KLHL3: variants seen among roughly 807,000 people sequenced by gnomAD.
The protein encoded by KLHL3 is kelch-like protein 3.
In KLHL3, 19 loss-of-function variants were observed where a neutral mutation model predicts 70.5. That is an observed-to-expected ratio of 0.27 (90% CI 0.19 to 0.40). The LOEUF is 0.40. KLHL3 is among the 10% of genes least tolerant of loss of function. The probability of loss-of-function intolerance (pLI) is 1.00; values close to 1 mark genes in which losing one functional copy is unlikely to be tolerated. For synonymous variants in KLHL3, 258 were observed against 290.3 expected (o/e 0.89, Z 1.13); for missense variants, 512 against 771.1 (o/e 0.66, Z 3.98).
intron 3 of KLHL3, among the ~76,000 whole-genome samples, chr5:137,707,147 T>C (rs922271596): frequency 6.6e-6 from 1 of 152,108 alleles, no homozygotes; most frequent in African/African-American, 2.4e-5. Context: ...CAAAAAAGGC[T>C]ATTTAGGCTG....
At chr5:137,687,034 C>T (rs1377653058) in intron 5 of KLHL3, among the ~76,000 whole-genome samples, 1 of 117,814 alleles carries the variant, frequency 8.5e-6, no homozygotes, top group East Asian at 3.5e-4. Flanking sequence ...GGGGTCAGCC[C>T]CCCGCCCGGC....
chr5:137,652,458 T>C (rs1421115163), intron 8 of KLHL3, among the ~76,000 whole-genome samples: 1 of 152,244 alleles, frequency 6.6e-6, no homozygotes, highest in Non-Finnish European at 1.5e-5. Flanking sequence ...GTGGTATACA[T>C]ATTTAGTAGA....
intron 1 of KLHL3, among the ~76,000 whole-genome samples, chr5:137,734,016 T>C (rs1190411459): frequency 6.6e-6 from 1 of 152,170 alleles, no homozygotes; most frequent in African/African-American, 2.4e-5. Context: ...TCTAAAGCCA[T>C]AGACATCAGC....
At chr5:137,715,393 T>C (rs899749962) in intron 2 of KLHL3, among the ~76,000 whole-genome samples, 3 of 152,232 alleles carry the variant, frequency 2.0e-5, no homozygotes, top group African/African-American at 7.2e-5. Flanking sequence ...CAAGATGCTT[T>C]AGCCCAGGCC....
chr5:137,649,954 C>T (rs543287022), intron 8 of KLHL3, among the ~76,000 whole-genome samples: 2 of 152,214 alleles, frequency 1.3e-5, no homozygotes, highest in African/African-American at 4.8e-5. Context: ...TCAATCTCAC[C>T]GATTCTCAGT....
intron 1 of KLHL3, among the ~76,000 whole-genome samples, chr5:137,733,894 AAAGGTATGACCTGGGTGACCTGGTG>A (rs1405324800): frequency 2.0e-5 from 3 of 152,210 alleles, no homozygotes; most frequent in Non-Finnish European, 4.4e-5. Context: ...AGCAGGAACA[AAAGGTATGACCTGGGTGACCTGGTG>A]AACATTGGAA....
At chr5:137,640,657 T>C (rs1580725747) in intron 8 of KLHL3, among the ~76,000 whole-genome samples, 1 of 152,108 alleles carries the variant, frequency 6.6e-6, no homozygotes, top group Non-Finnish European at 1.5e-5. Context: ...CACATGTAAG[T>C]GGCCCAAGGT....
At chr5:137,633,984 G>T in intron 12 of KLHL3, 53 bp downstream of exon 12, 3 of 1,611,562 alleles carry the variant, frequency 1.9e-6, no homozygotes, top group South Asian at 1.1e-5. Flanking sequence ...AAAATTTAAG[G>T]ACCCACTTGT....
At position 137,639,053 on chromosome 5, in the gene KLHL3, C is replaced by G. The variant is rs1303648553; in HGVS notation, c.1119G>C (p.Gln373His). 5 of 1,614,186 alleles carry G rather than the reference C, an allele frequency of 3.1e-6. No homozygotes were observed. Among genetic ancestry groups the G allele is most frequent in the Non-Finnish European group, 4.2e-6 (5 of 1,180,028 alleles). Residue 373 changes from glutamine (Q) to histidine (H), a missense_variant, in exon 10 of 15, where the codon CAG becomes CAC. Transcript: ENST00000309755. This position sits in a 1 kb window ranked among gnomAD's most constrained non-coding sequence, Gnocchi z 5.0. ...CCTGCATGCTGGCAATGGACGTCCA[C>G]TGGTCCTTCACGCCGTCATACACAT... ...TVDVYDGVKD[Q>H]WTSIASMQER...
intron 6 of KLHL3, among the ~76,000 whole-genome samples, chr5:137,670,642 A>G (rs573223202): frequency 6.6e-6 from 1 of 152,164 alleles, no homozygotes; most frequent in East Asian, 1.9e-4. Context: ...TCCTAAATGT[A>G]TCTGACCTGA....
At chr5:137,636,888 T>A (rs1750779877) in intron 11 of KLHL3, among the ~76,000 whole-genome samples, 1 of 152,202 alleles carries the variant, frequency 6.6e-6, no homozygotes, top group Non-Finnish European at 1.5e-5. Flanking sequence ...CTGTTAATGT[T>A]CAACATATGA....
chr5:137,628,354 G>A lies in KLHL3; in HGVS notation c.1534C>T (p.Pro512Ser). The A allele has an allele frequency of 6.2e-7, 1 of 1,614,018 alleles. No individual in the cohort carries two copies. The highest frequency in any genetic ancestry group is 1.3e-5 in the African/African-American group (1 of 74,966). The change falls in exon 13 of 15, where the codon CCT becomes TCT. Residue 512 changes from proline (P) to serine (S), a missense_variant. Pro to Ser is a moderately conservative substitution (Grantham distance 74, BLOSUM62 -1). Transcript: ENST00000309755. ...ACTTGCTTCCAGGTATTTGTTCCAG[G>A]ATCGTAAACCTCAACGCTCTTCCTC... ...LVRKSVEVYD[P>S]GTNTWKQVAD...
intron 10 of KLHL3, 137 bp downstream of exon 10, chr5:137,638,816 G>A: frequency 3.8e-6 from 3 of 793,850 alleles, no homozygotes; most frequent in Middle Eastern, 4.9e-4. Context: ...AGCTGGATGA[G>A]GAAGAAGAGT....
intron 5 of KLHL3, among the ~76,000 whole-genome samples, chr5:137,691,385 C>T (rs1752318530): frequency 6.6e-6 from 1 of 152,184 alleles, no homozygotes. Context: ...CAATCTTATT[C>T]TTCTGGAGAA....
At chr5:137,718,892 C>A (rs1484524327) in intron 2 of KLHL3, among the ~76,000 whole-genome samples, 1 of 152,182 alleles carries the variant, frequency 6.6e-6, no homozygotes, top group Non-Finnish European at 1.5e-5. Context: ...GTTATTAATG[C>A]CAAAGACTAG....
At chr5:137,654,869 T>A (rs1006923610) in intron 8 of KLHL3, among the ~76,000 whole-genome samples, 10 of 152,198 alleles carry the variant, frequency 6.6e-5, no homozygotes, top group African/African-American at 2.2e-4. Flanking sequence ...TTCTCAACTA[T>A]AGATTAAATC....
rs1756278214 is a variant in KLHL3, at chr5:137,618,171, A to T, written c.*3927T>A. 1 of 152,538 alleles carries T rather than the reference A, an allele frequency of 6.6e-6. No homozygotes were observed. The highest frequency in any genetic ancestry group is 2.4e-5 in the African/African-American group (1 of 41,398). 9.4% of individuals were successfully genotyped at this position (152,538 alleles called of 1,614,324 possible). On this transcript the variant is annotated 3_prime_UTR_variant, in exon 15 of 15. Coordinates refer to ENST00000309755, the MANE Select transcript of KLHL3 (RefSeq NM_017415.3). ...GGGCTTAGGACTCTAAATAGTGCAAACGCTTAAAAAAATTACATTCTAACC... is the reference window on the plus strand; with the variant it reads ...GGGCTTAGGACTCTAAATAGTGCAATCGCTTAAAAAAATTACATTCTAACC...
At chr5:137,644,531 T>C (rs1466351458) in intron 8 of KLHL3, among the ~76,000 whole-genome samples, 2 of 152,242 alleles carry the variant, frequency 1.3e-5, no homozygotes, top group Admixed American at 6.5e-5. Context: ...TTTGGATGCA[T>C]ACCCAGTATG....
chr5:137,682,403 T>TAGAGAGAGAGAGAGGGAGAGAGAGAGAG (rs1752049727), intron 5 of KLHL3, among the ~76,000 whole-genome samples: 1 of 133,374 alleles, frequency 7.5e-6, no homozygotes, highest in Non-Finnish European at 1.6e-5. Flanking sequence ...GTGCTGGACA[T>TAGAGAGAGAGAGAGGGAGAGAGAGAGAG]AGAGAGAGAG....
Sources: gnomAD v4.1 joint callset for allele counts (sites outside exome capture counted in the v4.1 genomes callset) on GRCh38, gnomAD v4.1.1 for gene constraint, Gnocchi (gnomAD v3.1) non-coding constraint, MANE v1.5 for transcripts, NCBI Gene and HGNC (gene_info 2026-07-23, HGNC 2026-07-21) for gene names.